Variants in CCL22 observed in about 807,000 individuals in gnomAD.
CCL22 encodes C-C motif chemokine 22.
A neutral mutation model predicts 7.6 loss-of-function variants in CCL22; 7 were observed. That is an observed-to-expected ratio of 0.92 (90% CI 0.52 to 1.72). The LOEUF is 1.72. CCL22 is among the 40% of genes most tolerant of loss of function. CCL22 has a pLI of 0.00. For missense variants in CCL22, 115 were observed against 124.7 expected (o/e 0.92, Z 0.37); for synonymous variants, 55 against 47.2 (o/e 1.17, Z -0.68).
Position 57,363,543 on chromosome 16 carries a change from C to T in CCL22, c.237C>T (p.Pro79=), listed in dbSNP as rs1354416428. The T allele has an allele frequency of 6.2e-7, 1 of 1,613,792 alleles. No homozygotes were observed. Among genetic ancestry groups the T allele is most frequent in the African/African-American group, 1.3e-5 (1 of 74,976 alleles). The change falls in exon 3 of 3, where the codon CCC becomes CCT. Residue 79 remains proline (P), a synonymous_variant. Coordinates refer to ENST00000219235, the MANE Select transcript of CCL22 (RefSeq NM_002990.5). The stretch of plus-strand genomic sequence containing the variant: ...GGGATAAGGAGATCTGTGCCGATCC[C>T]AGAGTGCCCTGGGTGAAGATGATTC... ...TFRDKEICAD[P]RVPWVKMILN...
rs377523389 is a variant in CCL22, at chr16:57,364,398, C to T, written c.*810C>T. 3.9e-5 allele frequency: 6 copies of T among 152,234 alleles called. No individual in the cohort carries two copies. The East Asian group carries it at 1.2e-3, about 29-fold the overall frequency. 9.4% of individuals were successfully genotyped at this position (152,234 alleles called of 1,614,324 possible). A position where few individuals can be genotyped will look rare whatever the true frequency, so the allele number is the denominator to read the frequency against. On this transcript the variant is annotated 3_prime_UTR_variant, in exon 3 of 3. Transcript: ENST00000219235. ...AGGCAGTTACATATCAATACAGAGA[C>T]TCAAGGTCACTAGAAATGGGCCAGC...
rs374941764 is a variant in CCL22 at position 57,359,007 on chromosome 16, C to T, written c.73+118C>T. 2.2e-5 allele frequency: 18 copies of T among 807,806 alleles called. No individual in the cohort carries two copies. The African/African-American group carries it at 2.3e-4, about 11-fold the overall frequency. 50.0% of individuals were successfully genotyped at this position (807,806 alleles called of 1,614,324 possible). On this transcript the variant is annotated intron_variant, in intron 1 of 2. Transcript: ENST00000219235. Reference sequence around the variant, plus strand: ...AGAAGACCTCAGTCTGCTGTTGGCTCTTGCGGCCTTCGGCTAGTTGCAGTG... The same window carrying T: ...AGAAGACCTCAGTCTGCTGTTGGCTTTTGCGGCCTTCGGCTAGTTGCAGTG...
intron 2 of CCL22, among the ~76,000 whole-genome samples, chr16:57,361,871 A>G (rs1161586545): frequency 6.6e-6 from 1 of 152,204 alleles, no homozygotes; most frequent in Non-Finnish European, 1.5e-5. Context: ...AAAAAGGCTG[A>G]AGCAGGAAGC....
upstream of CCL22, among the ~76,000 whole-genome samples, chr16:57,358,602 G>C (rs1228667926): frequency 1.3e-5 from 2 of 150,980 alleles, no homozygotes; most frequent in African/African-American, 4.8e-5. Flanking sequence ...TTGAGGGGGG[G>C]TCCCCTCTGA....
At position 57,363,717 on chromosome 16, in the gene CCL22, G is replaced by C; in HGVS notation, c.*129G>C. 3 of 667,184 alleles carry C rather than the reference G, an allele frequency of 4.5e-6. No individual in the cohort carries two copies. The highest frequency in any genetic ancestry group is 3.4e-5 in the South Asian group (2 of 58,558). The allele number at this position is 667,184 out of a possible 1,614,324, so 41.3% of individuals were successfully genotyped here. ...TCTGCATTCCCTGATCTCCATCCCT[G>C]TGGCTGTCACCCTTGGTCACCTCCG... On this transcript the variant is annotated 3_prime_UTR_variant, in exon 3 of 3. Coordinates refer to ENST00000219235, the MANE Select transcript of CCL22 (RefSeq NM_002990.5).
rs1902089758 is a variant in CCL22 at position 57,364,801 on chromosome 16, C to CCCA, written c.*1214_*1216dup. 1.2e-5 allele frequency: 1 copy of CCCA among 84,040 alleles called. No individual in the cohort carries two copies. The highest frequency in any genetic ancestry group is 2.5e-5 in the Non-Finnish European group (1 of 40,410). 5.2% of individuals were successfully genotyped at this position (84,040 alleles called of 1,614,324 possible). ...GCCTCTTCCCTCTCCCCACCCCCCCCCCAACTTTTTTTTTTTTTTATGGCA... is the reference window on the plus strand; with the variant it reads ...GCCTCTTCCCTCTCCCCACCCCCCCCCCACCAACTTTTTTTTTTTTTTATGGCA... On this transcript the variant is annotated 3_prime_UTR_variant, in exon 3 of 3. Transcript: ENST00000219235.
In CCL22 at chr16:57,363,761, C is replaced by T; in HGVS notation, c.*173C>T. ...ACCTCCGTGCTGTCACTGCCATCTC[C>T]CCCCTGACCCCTCTAACCCATCCTC... is the stretch of plus-strand genomic sequence containing the variant. On this transcript the variant is annotated 3_prime_UTR_variant, in exon 3 of 3. Transcript: ENST00000219235. 1.7e-6 allele frequency: 1 copy of T among 602,406 alleles called. No individual in the cohort carries two copies. The highest frequency in any genetic ancestry group is 3.0e-6 in the Non-Finnish European group (1 of 335,516). 37.3% of individuals were successfully genotyped at this position (602,406 alleles called of 1,614,324 possible).
Position 57,360,499 on chromosome 16 carries a change from C to T in CCL22, c.136C>T (p.Pro46Ser). The change falls in exon 2 of 3, where the codon CCC becomes TCC. Residue 46 changes from proline to serine, a missense_variant. Transcript: ENST00000219235. ...CCRDYVRYRL[P>S]LRVVKHFYWT... is the part of the protein sequence containing the mutation. ...CCGTGATTACGTCCGTTACCGTCTG[C>T]CCCTGCGCGTGGTGAAACACTTCTA... 2 of 1,614,202 alleles carry T rather than the reference C, an allele frequency of 1.2e-6. No homozygotes were observed. The highest frequency in any genetic ancestry group is 1.3e-5 in the African/African-American group (1 of 75,074).
rs146972896 is a variant in CCL22, at chr16:57,360,558, G to C, written c.195G>C (p.Val65=). The change falls in exon 2 of 3, where the codon GTG becomes GTC. Residue 65 remains valine, a splice_region_variant and synonymous_variant. Transcript: ENST00000219235. ...WTSDSCPRPG[V]VLLTFRDKEI... Reference sequence around the variant, plus strand: ...CAGACTCCTGCCCGAGGCCTGGCGTGGTGTGAGTAGGGAGCTGGGGCCACA... The same window carrying C: ...CAGACTCCTGCCCGAGGCCTGGCGTCGTGTGAGTAGGGAGCTGGGGCCACA... 4 of 1,614,102 alleles carry C rather than the reference G, an allele frequency of 2.5e-6. No homozygotes were observed. In the South Asian group the frequency reaches 4.4e-5, roughly 18 times the overall value.
At chr16:57,358,922 A>T in intron 1 of CCL22, 33 bp downstream of exon 1, 2 of 1,525,336 alleles carry the variant, frequency 1.3e-6, no homozygotes, top group Non-Finnish European at 1.8e-6. Flanking sequence ...CCCCCTACAG[A>T]GGCCAGGGCA....
chr16:57,362,236 A>T (rs1180263666), intron 2 of CCL22, among the ~76,000 whole-genome samples: 1 of 152,172 alleles, frequency 6.6e-6, no homozygotes, highest in Non-Finnish European at 1.5e-5. Context: ...CTTCTCAGTT[A>T]CTTGGGAGGC....
chr16:57,365,995 C>T lies in CCL22; in HGVS notation c.*2407C>T, dbSNP rs1567550565. On this transcript the variant is annotated 3_prime_UTR_variant, in exon 3 of 3. Coordinates refer to ENST00000219235, the MANE Select transcript of CCL22 (RefSeq NM_002990.5). ...TTGAAAGTGTGGGGAGTGACACTGC[C>T]TAGGCATCCAGCTCAGTGTCATCCA... 6.6e-6 allele frequency: 1 copy of T among 152,194 alleles called. No individual in the cohort carries two copies. Among genetic ancestry groups the T allele is most frequent in the South Asian group, 2.1e-4 (1 of 4,832 alleles). The allele number at this position is 152,194 out of a possible 1,614,324, so 9.4% of individuals were successfully genotyped here.
chr16:57,358,622 C>T (rs554318115), upstream of CCL22: 131 of 581,318 alleles, frequency 2.3e-4, 1 homozygote, highest in South Asian at 2.1e-3. Flanking sequence ...AGTGGTTCCC[C>T]GCCAAAGAGA....
rs190203232 is a variant in CCL22 at position 57,363,671 on chromosome 16, G to A, written c.*83G>A. 2.4e-4 allele frequency: 203 copies of A among 839,128 alleles called. 1 individual carries two copies. The highest frequency in any genetic ancestry group is 3.7e-4 in the East Asian group (15 of 40,214). 52.0% of individuals were successfully genotyped at this position (839,128 alleles called of 1,614,324 possible). ...CTCCCTGCCATTATAGCTGCTCCCC[G>A]CCAGAAGCCTGTGCCAACTCTCTGC... is the stretch of plus-strand genomic sequence containing the variant. On this transcript the variant is annotated 3_prime_UTR_variant, in exon 3 of 3. Transcript: ENST00000219235.
intron 2 of CCL22, among the ~76,000 whole-genome samples, chr16:57,362,646 A>G (rs1902061031): frequency 6.6e-6 from 1 of 152,028 alleles, no homozygotes; most frequent in Admixed American, 6.6e-5. Flanking sequence ...GGATCACTTG[A>G]GGTCAGAAGT....
At chr16:57,360,416 C>G (rs766603825) in intron 1 of CCL22, 21 bp from the exon 2 acceptor site, 2 of 1,613,900 alleles carry the variant, frequency 1.2e-6, no homozygotes, top group Non-Finnish European at 1.7e-6. Context: ...CTTGTGAATT[C>G]ACTGGGGACC....
rs1902108478 is a variant in CCL22 at position 57,366,119 on chromosome 16, T to C, written c.*2531T>C. 6.6e-6 allele frequency: 1 copy of C among 152,450 alleles called. No individual in the cohort carries two copies. The highest frequency in any genetic ancestry group is 2.4e-5 in the African/African-American group (1 of 41,474). The allele number at this position is 152,450 out of a possible 1,614,324, so 9.4% of individuals were successfully genotyped here. ...CCATGAACGGGGCCCTCAAGCGTCC[T>C]GGGATCTCCTTCTCCCTCCTGTCCT... On this transcript the variant is annotated 3_prime_UTR_variant, in exon 3 of 3. Coordinates refer to ENST00000219235, the MANE Select transcript of CCL22 (RefSeq NM_002990.5).
rs533834008 is a variant in CCL22, at chr16:57,360,333, T to C, written c.74-104T>C. 6.1e-4 allele frequency: 849 copies of C among 1,388,606 alleles called. 3 individuals carry two copies. Among genetic ancestry groups the C allele is most frequent in the Middle Eastern group, 1.3e-3 (7 of 5,356 alleles). The allele number at this position is 1,388,606 out of a possible 1,614,324, so 86.0% of individuals were successfully genotyped here. ...TCCTTCCACATGAGAACAGAAAAACTGCATCTCTTTCCTGGAGCCTGGAGA... is the reference window on the plus strand; with the variant it reads ...TCCTTCCACATGAGAACAGAAAAACCGCATCTCTTTCCTGGAGCCTGGAGA... On this transcript the variant is annotated intron_variant, in intron 1 of 2. Coordinates refer to ENST00000219235, the MANE Select transcript of CCL22 (RefSeq NM_002990.5).
At position 57,359,271 on chromosome 16, in the gene CCL22, C is replaced by T. The variant is rs143508641; in HGVS notation, c.73+382C>T. On this transcript the variant is annotated intron_variant, in intron 1 of 2. Coordinates refer to ENST00000219235, the MANE Select transcript of CCL22 (RefSeq NM_002990.5). Reference sequence around the variant, plus strand: ...CCCTTGGAAAGCTGGTGCTGCCCTCCCACCATCCATTTTTTAAAATGTTAT... The same window carrying T: ...CCCTTGGAAAGCTGGTGCTGCCCTCTCACCATCCATTTTTTAAAATGTTAT... 5.3e-5 allele frequency among the ~76,000 whole-genome samples: 8 copies of T among 152,018 alleles called. No individual in the cohort carries two copies. The East Asian group carries it at 1.3e-3, about 26-fold the overall frequency.
Sources: gnomAD v4.1 joint callset for allele counts (sites outside exome capture counted in the v4.1 genomes callset) on GRCh38, gnomAD v4.1.1 for gene constraint, MANE v1.5 for transcripts, NCBI Gene and HGNC (gene_info 2026-07-23, HGNC 2026-07-21) for gene names.